FHIT: variants seen among roughly 807,000 people sequenced by gnomAD.
FHIT encodes the protein bis(5'-adenosyl)-triphosphatase.
Under a neutral mutation model 17.9 loss-of-function variants are expected in FHIT, and 19 were observed. The ratio of observed to expected loss-of-function variants is 1.06; its 90% CI spans 0.74 to 1.56. The LOEUF is 1.56. Among genes scored for constraint, FHIT ranks in the 40% most tolerant of loss-of-function variants. The pLI, the probability that FHIT is intolerant of heterozygous loss-of-function variation, is 0.00. For synonymous variants in FHIT, 81 were observed against 69.7 expected, an observed-to-expected ratio of 1.16 and a Z score of -0.81; for missense variants, 248 against 189.2, an observed-to-expected ratio of 1.31 and a Z score of -1.82.
In FHIT at chr3:60,649,798, GA is replaced by G. The variant is rs201003475; in HGVS notation, c.-17-112820del. ...AGTCAGGTATTACTTTTATAATCTG[GA>G]AAAAAAAACCCAGCAATTTCCATTT... On this transcript the variant is annotated intron_variant, in intron 4 of 9. Transcript: ENST00000492590. Among the ~76,000 whole-genome samples the G allele has an allele frequency of 2.9e-4, 43 of 150,818 alleles. 1 individual carries two copies. The South Asian group carries it at 4.8e-3, about 17-fold the overall frequency.
Position 60,439,853 on chromosome 3 carries a change from A to G in FHIT, c.103+97007T>C, listed in dbSNP as rs185756898. 5.3e-4 allele frequency among the ~76,000 whole-genome samples: 80 copies of G among 152,048 alleles called. 1 individual carries two copies. Among genetic ancestry groups the G allele is most frequent in the African/African-American group, 1.9e-3 (78 of 41,488 alleles). The stretch of plus-strand genomic sequence containing the variant: ...TGTCTTTGGGCTTGTTCAAAAGTAC[A>G]CCCCTTCTTTCTTTGTGCTGTGGGC... On this transcript the variant is annotated intron_variant, in intron 5 of 9. Coordinates refer to ENST00000492590, the MANE Select transcript of FHIT (RefSeq NM_002012.4).
At chr3:60,964,640 T>C (rs1207142767) in intron 3 of FHIT, among the ~76,000 whole-genome samples, 1 of 152,192 alleles carries the variant, frequency 6.6e-6, no homozygotes, top group Non-Finnish European at 1.5e-5. Flanking sequence ...GGTGACAAAG[T>C]CTCTCAGCAT....
intron 3 of FHIT, among the ~76,000 whole-genome samples, chr3:60,950,049 T>C (rs1282347599): frequency 6.6e-6 from 1 of 152,214 alleles, no homozygotes; most frequent in Non-Finnish European, 1.5e-5. Flanking sequence ...TTAGTGACGT[T>C]GTAGTTGTCA....
At chr3:59,889,340 T>C (rs1344737198) in intron 8 of FHIT, among the ~76,000 whole-genome samples, 1 of 152,156 alleles carries the variant, frequency 6.6e-6, no homozygotes, top group Non-Finnish European at 1.5e-5. Flanking sequence ...AGGGGCCACC[T>C]CTCCCAAATT....
intron 5 of FHIT, among the ~76,000 whole-genome samples, chr3:60,070,745 G>A (rs977817501): frequency 1.3e-5 from 2 of 152,238 alleles, no homozygotes; most frequent in African/African-American, 4.8e-5. Context: ...CCATGAGACA[G>A]AAGGTTATTA....
At chr3:61,246,582 A>G (rs2040491608) in intron 1 of FHIT, among the ~76,000 whole-genome samples, 1 of 151,926 alleles carries the variant, frequency 6.6e-6, no homozygotes. Context: ...ATTCTCAGCA[A>G]ACTAACACAG....
chr3:59,952,612 C>A (rs535131068), intron 7 of FHIT, among the ~76,000 whole-genome samples: 2 of 152,314 alleles, frequency 1.3e-5, no homozygotes, highest in African/African-American at 4.8e-5. Context: ...GCTACCCTCC[C>A]ATTATAGGGT....
At chr3:60,557,003 T>G (rs1228833420) in intron 4 of FHIT, among the ~76,000 whole-genome samples, 1 of 152,192 alleles carries the variant, frequency 6.6e-6, no homozygotes, top group African/African-American at 2.4e-5. Context: ...GACCATTCCG[T>G]TAGAAAACTT....
intron 5 of FHIT, among the ~76,000 whole-genome samples, chr3:60,260,955 A>C (rs1170956008): frequency 6.6e-6 from 1 of 152,004 alleles, no homozygotes; most frequent in Non-Finnish European, 1.5e-5. Context: ...AAGTTACACT[A>C]TATGGTCTAA....
chr3:60,265,783 C>A (rs1300870485), intron 5 of FHIT, among the ~76,000 whole-genome samples: 3 of 151,652 alleles, frequency 2.0e-5, no homozygotes, highest in Non-Finnish European at 2.9e-5. Flanking sequence ...ATAGACATTT[C>A]TCCAAACAAG....
At chr3:60,300,501 C>T (rs574471775) in intron 5 of FHIT, among the ~76,000 whole-genome samples, 2 of 152,126 alleles carry the variant, frequency 1.3e-5, no homozygotes, top group African/African-American at 2.4e-5. Flanking sequence ...TCAGGCAGCC[C>T]CATATTTTGT....
chr3:60,275,307 A>G (rs1326397078), intron 5 of FHIT, among the ~76,000 whole-genome samples: 1 of 151,738 alleles, frequency 6.6e-6, no homozygotes, highest in Non-Finnish European at 1.5e-5. Context: ...TTATTTCAAG[A>G]CCCTCTCTGT....
chr3:60,405,612 A>G (rs896572720), intron 5 of FHIT, among the ~76,000 whole-genome samples: 3 of 152,220 alleles, frequency 2.0e-5, no homozygotes, highest in African/African-American at 7.2e-5. Context: ...TGTGGCAGGT[A>G]GAGTGCCCCA....
chr3:60,510,764 C>A (rs907168589), intron 5 of FHIT, among the ~76,000 whole-genome samples: 2 of 152,016 alleles, frequency 1.3e-5, no homozygotes, highest in African/African-American at 4.8e-5. Flanking sequence ...AATTACGAAT[C>A]CAAAATATTA....
chr3:60,014,226 G>C (rs750899549), intron 5 of FHIT, 74 bp from the exon 6 acceptor site: 1 of 1,485,712 alleles, frequency 6.7e-7, no homozygotes. Context: ...ATACCCACAG[G>C]ATTGAATCCT....
chr3:60,220,740 C>T (rs1461470859), intron 5 of FHIT, among the ~76,000 whole-genome samples: 2 of 152,154 alleles, frequency 1.3e-5, no homozygotes, highest in African/African-American at 4.8e-5. Context: ...ATTCAGGGAT[C>T]ATGGCACCAA....
At chr3:60,829,566 G>A (rs1426221145) in intron 3 of FHIT, among the ~76,000 whole-genome samples, 1 of 152,116 alleles carries the variant, frequency 6.6e-6, no homozygotes, top group Non-Finnish European at 1.5e-5. Flanking sequence ...GGAGAAAAAA[G>A]TAAAAGAAAA....
chr3:59,914,917 C>A (rs897510225), intron 8 of FHIT, among the ~76,000 whole-genome samples: 3 of 152,026 alleles, frequency 2.0e-5, no homozygotes, highest in African/African-American at 4.8e-5. Context: ...CAGGTTAACT[C>A]CAAACTTATC....
At chr3:61,045,655 G>C (rs1216736798) in intron 2 of FHIT, among the ~76,000 whole-genome samples, 3 of 152,162 alleles carry the variant, frequency 2.0e-5, no homozygotes, top group Non-Finnish European at 4.4e-5. Context: ...GACATCTACA[G>C]AACTCTCCAC....
Sources: gnomAD v4.1 joint callset for allele counts (sites outside exome capture counted in the v4.1 genomes callset) on GRCh38, gnomAD v4.1.1 for gene constraint, MANE v1.5 for transcripts, NCBI Gene and HGNC (gene_info 2026-07-23, HGNC 2026-07-21) for gene names.